Variants in CACNA2D3 observed in about 807,000 individuals in gnomAD.
CACNA2D3 encodes calcium voltage-gated channel auxiliary subunit alpha2delta 3, also known as voltage-dependent calcium channel subunit alpha-2/delta-3.
A neutral mutation model predicts 160.6 loss-of-function variants in CACNA2D3; 60 were observed. The ratio of observed to expected loss-of-function variants is 0.37; its 90% confidence interval spans 0.30 to 0.46. The LOEUF (loss-of-function observed/expected upper bound fraction) is 0.46. CACNA2D3 is among the 20% of genes least tolerant of loss of function. The pLI is 1.00. For missense variants in CACNA2D3, 1,205 were observed against 1,365.0 expected (o/e 0.88, Z 1.85); for synonymous variants, 558 against 492.9 (o/e 1.13, Z -1.75).
intron 35 of CACNA2D3, among the ~76,000 whole-genome samples, chr3:55,071,175 T>A (rs1704796042): frequency 6.6e-6 from 1 of 152,144 alleles, no homozygotes; most frequent in Non-Finnish European, 1.5e-5. Context: ...CTGAACCTGT[T>A]TCTTTTTTTG....
At chr3:54,707,591 GTGGA>G (rs1700881066) in intron 11 of CACNA2D3, among the ~76,000 whole-genome samples, 1 of 152,144 alleles carries the variant, frequency 6.6e-6, no homozygotes, top group African/African-American at 2.4e-5. Flanking sequence ...TCTTTTATCT[GTGGA>G]ATTTTCTTTG....
intron 4 of CACNA2D3, among the ~76,000 whole-genome samples, chr3:54,488,627 G>A (rs1701056309): frequency 6.6e-6 from 1 of 152,098 alleles, no homozygotes; most frequent in Admixed American, 6.5e-5. Context: ...GCCACGGTAG[G>A]ACATTGCTGA....
intron 34 of CACNA2D3, among the ~76,000 whole-genome samples, chr3:55,013,063 C>G (rs1246411404): frequency 6.6e-6 from 1 of 152,248 alleles, no homozygotes; most frequent in Non-Finnish European, 1.5e-5. Flanking sequence ...CACTGCCAGA[C>G]TGTGAGACCT....
At chr3:54,835,627 T>A (rs993755434) in intron 14 of CACNA2D3, among the ~76,000 whole-genome samples, 2 of 152,210 alleles carry the variant, frequency 1.3e-5, no homozygotes, top group Non-Finnish European at 2.9e-5. Context: ...AATGCCTGAT[T>A]ATTCTGTGGA....
At chr3:54,462,876 T>G (rs9816438) in intron 4 of CACNA2D3, among the ~76,000 whole-genome samples, 147,204 of 148,560 alleles carry the variant, frequency 0.99, 72,943 homozygotes, top group Middle Eastern at 1. Flanking sequence ...AGTCTCGATG[T>G]TCTTTACATT....
intron 2 of CACNA2D3, among the ~76,000 whole-genome samples, chr3:54,215,548 C>A (rs1487826107): frequency 6.6e-6 from 1 of 152,150 alleles, no homozygotes; most frequent in East Asian, 1.9e-4. Flanking sequence ...AAGCCAAGAT[C>A]TAGCTTGTCT....
At chr3:54,595,313 G>GGTGTGT (rs71637562) in intron 9 of CACNA2D3, among the ~76,000 whole-genome samples, 214 of 132,240 alleles carry the variant, frequency 1.6e-3, no homozygotes, top group African/African-American at 5.0e-3. Flanking sequence ...CTGTGTGTGT[G>GGTGTGT]GTGTGTGTGT....
chr3:54,175,001 G>T (rs1700649163), intron 2 of CACNA2D3, among the ~76,000 whole-genome samples: 1 of 152,168 alleles, frequency 6.6e-6, no homozygotes, highest in South Asian at 2.1e-4. Context: ...GGGGCAGGGG[G>T]TTTTGAAGTG....
chr3:54,821,673 T>C (rs942652036), intron 14 of CACNA2D3, among the ~76,000 whole-genome samples: 6 of 122,346 alleles, frequency 4.9e-5, no homozygotes, highest in South Asian at 2.8e-4. Context: ...TCTTTCTTTC[T>C]TTCTTTCTTT....
rs575332776 is a variant in CACNA2D3 at position 54,751,216 on chromosome 3, C to G, written c.1168-1383C>G. The stretch of plus-strand genomic sequence containing the variant: ...GCCAGAGGACTGGAGAGAGGTCTGT[C>G]TGCCTGCCCATCCACCCCAGAAATC... On this transcript the variant is annotated intron_variant, in intron 11 of 37. Coordinates refer to ENST00000474759, the MANE Select transcript of CACNA2D3 (RefSeq NM_018398.3). Among the ~76,000 whole-genome samples, 9 of 152,266 alleles carry G rather than the reference C, an allele frequency of 5.9e-5. No individual in the cohort carries two copies. The East Asian group carries it at 1.5e-3, about 26-fold the overall frequency.
chr3:54,530,419 CTG>C (rs986048636), intron 5 of CACNA2D3, among the ~76,000 whole-genome samples: 25 of 152,164 alleles, frequency 1.6e-4, no homozygotes, highest in Non-Finnish European at 3.2e-4. Context: ...TGGGAAAGGA[CTG>C]TGTTTTTCCC....
intron 29 of CACNA2D3, among the ~76,000 whole-genome samples, chr3:54,975,087 G>A (rs1190399410): frequency 2.0e-5 from 3 of 152,156 alleles, no homozygotes; most frequent in Non-Finnish European, 4.4e-5. Flanking sequence ...ACTCCAGTGG[G>A]CTCACTCCAC....
chr3:55,029,158 G>A (rs1035460545), intron 35 of CACNA2D3, among the ~76,000 whole-genome samples: 5 of 152,282 alleles, frequency 3.3e-5, no homozygotes, highest in African/African-American at 1.2e-4. Flanking sequence ...GAAATGACCT[G>A]TATAATGGAT....
chr3:54,666,699 A>G (rs528652035), intron 11 of CACNA2D3, among the ~76,000 whole-genome samples: 11 of 152,234 alleles, frequency 7.2e-5, no homozygotes, highest in Non-Finnish European at 8.8e-5. Flanking sequence ...TTTAAAATAT[A>G]TGTATAGAAA....
chr3:54,257,632 AT>A (rs1357113826), intron 2 of CACNA2D3, among the ~76,000 whole-genome samples: 4 of 151,868 alleles, frequency 2.6e-5, no homozygotes, highest in African/African-American at 9.7e-5. Flanking sequence ...ATTTTTTTTC[AT>A]CTGAAAAGCT....
intron 24 of CACNA2D3, among the ~76,000 whole-genome samples, chr3:54,889,987 A>G (rs1393122306): frequency 6.6e-6 from 1 of 152,208 alleles, no homozygotes; most frequent in Non-Finnish European, 1.5e-5. Flanking sequence ...GGTGTAGGCT[A>G]CAAGCAGAAA....
At chr3:54,459,919 GTCTTTAA>G (rs1269049302) in intron 4 of CACNA2D3, among the ~76,000 whole-genome samples, 1 of 152,196 alleles carries the variant, frequency 6.6e-6, no homozygotes, top group African/African-American at 2.4e-5. Context: ...TAACATTTAA[GTCTTTAA>G]TCCATCTTGA....
At position 54,635,028 on chromosome 3, in the gene CACNA2D3, C is replaced by T. The variant is rs553201825; in HGVS notation, c.1054-7100C>T. On this transcript the variant is annotated intron_variant, in intron 10 of 37. Transcript: ENST00000474759. The stretch of plus-strand genomic sequence containing the variant: ...TGGAGTGGTATGGAGAGAGAGTGGA[C>T]GATGTTTCTCAGGGCTGCTTCAAGC... 1.4e-4 allele frequency among the ~76,000 whole-genome samples: 21 copies of T among 151,736 alleles called. No homozygotes were observed. The South Asian group carries it at 1.5e-3, about 11-fold the overall frequency.
chr3:54,865,593 G>A (rs969761038), intron 17 of CACNA2D3, among the ~76,000 whole-genome samples: 4 of 152,202 alleles, frequency 2.6e-5, no homozygotes, highest in South Asian at 2.1e-4. Context: ...TCTGGCCTTC[G>A]CCTTGACCTT....
Sources: gnomAD v4.1 joint callset for allele counts (sites outside exome capture counted in the v4.1 genomes callset) on GRCh38, gnomAD v4.1.1 for gene constraint, MANE v1.5 for transcripts, NCBI Gene and HGNC (gene_info 2026-07-23, HGNC 2026-07-21) for gene names.